The following GRM1 variants were observed in gnomAD, a reference collection of about 807,000 sequenced individuals.
The protein encoded by GRM1 is glutamate metabotropic receptor 1.
Under a neutral mutation model 90.9 loss-of-function variants are expected in GRM1, and 33 were observed. The ratio of observed to expected loss-of-function variants is 0.36; its 90% CI spans 0.28 to 0.49. The LOEUF is 0.49. Ranked by LOEUF, GRM1 falls within the 20% of genes least tolerant of loss-of-function variation. GRM1 has a pLI of 0.99. For missense variants in GRM1, 1,190 were observed against 1,534.3 expected, an observed-to-expected ratio of 0.78 and a Z score of 3.75; for synonymous variants, 700 against 613.2, an observed-to-expected ratio of 1.14 and a Z score of -2.09.
intron 7 of GRM1, among the ~76,000 whole-genome samples, chr6:146,425,057 A>AC (rs2114671225): frequency 6.6e-6 from 1 of 152,332 alleles, no homozygotes; most frequent in South Asian, 2.1e-4. Flanking sequence ...TGCAGTAATA[A>AC]TGAAGTTACA....
chr6:146,138,737 G>A (rs547530296), intron 1 of GRM1, among the ~76,000 whole-genome samples: 2 of 151,424 alleles, frequency 1.3e-5, no homozygotes, highest in African/African-American at 2.4e-5. Flanking sequence ...CTTTTTTTTA[G>A]TATGTCTAAA....
intron 1 of GRM1, among the ~76,000 whole-genome samples, chr6:146,111,560 G>C (rs1775560016): frequency 6.6e-6 from 1 of 152,192 alleles, no homozygotes; most frequent in South Asian, 2.1e-4. Flanking sequence ...CTCTCTTTGA[G>C]GAAGATGATA....
intron 1 of GRM1, among the ~76,000 whole-genome samples, chr6:146,045,225 A>T (rs916756133): frequency 3.3e-5 from 5 of 152,148 alleles, no homozygotes; most frequent in African/African-American, 9.6e-5. Context: ...TATAGAAAAG[A>T]TATTTATCTA....
intron 2 of GRM1, among the ~76,000 whole-genome samples, chr6:146,295,605 C>G (rs1016392683): frequency 6.6e-6 from 1 of 152,068 alleles, no homozygotes; most frequent in Admixed American, 6.6e-5. Context: ...GGTTTTGTAT[C>G]TAGTTTTAGA....
intron 2 of GRM1, among the ~76,000 whole-genome samples, chr6:146,209,237 A>G (rs910183279): frequency 6.6e-6 from 1 of 152,070 alleles, no homozygotes; most frequent in Non-Finnish European, 1.5e-5. Flanking sequence ...TTTTATTTTT[A>G]GAAAATTGAG....
chr6:146,276,460 A>G (rs976252204), intron 2 of GRM1, among the ~76,000 whole-genome samples: 1 of 152,298 alleles, frequency 6.6e-6, no homozygotes, highest in East Asian at 1.9e-4. Flanking sequence ...TAGGAATTCT[A>G]TCCTTCCAGT....
intron 3 of GRM1, among the ~76,000 whole-genome samples, chr6:146,329,880 G>T (rs564312580): frequency 6.6e-6 from 1 of 152,264 alleles, no homozygotes; most frequent in South Asian, 2.1e-4. Context: ...CTGAAAGTGA[G>T]AAACAGAATG....
intron 1 of GRM1, among the ~76,000 whole-genome samples, chr6:146,070,145 A>G (rs1162115757): frequency 6.6e-6 from 1 of 152,162 alleles, no homozygotes; most frequent in African/African-American, 2.4e-5. Context: ...ACACTTCTTT[A>G]TCTTTCCTCC....
At chr6:146,091,605 G>A (rs1405117018) in intron 1 of GRM1, among the ~76,000 whole-genome samples, 2 of 152,032 alleles carry the variant, frequency 1.3e-5, no homozygotes, top group Non-Finnish European at 2.9e-5. Flanking sequence ...AAGGACATGG[G>A]GGAAACTGGC....
At chr6:146,378,090 T>G (rs1249185470) in intron 5 of GRM1, among the ~76,000 whole-genome samples, 2 of 152,184 alleles carry the variant, frequency 1.3e-5, no homozygotes, top group African/African-American at 4.8e-5. Flanking sequence ...AGTGGGAACC[T>G]CCGCCTAGAT....
chr6:146,397,185 A>T (rs1237833377), intron 6 of GRM1, among the ~76,000 whole-genome samples: 1 of 152,158 alleles, frequency 6.6e-6, no homozygotes, highest in African/African-American at 2.4e-5. Context: ...AATTTTTTTT[A>T]AAAAGCACAA....
intron 2 of GRM1, among the ~76,000 whole-genome samples, chr6:146,206,958 C>A (rs930981440): frequency 6.6e-6 from 1 of 152,174 alleles, no homozygotes; most frequent in African/African-American, 2.4e-5. Context: ...CCAGCCCCAT[C>A]CATGTTCCCA....
chr6:146,093,309 C>G (rs995512093), intron 1 of GRM1, among the ~76,000 whole-genome samples: 1 of 152,124 alleles, frequency 6.6e-6, no homozygotes, highest in African/African-American at 2.4e-5. Context: ...TTCTTGTGAT[C>G]TCCTCTGACT....
At chr6:146,162,604 A>G (rs1182030228) in intron 2 of GRM1, among the ~76,000 whole-genome samples, 1 of 152,162 alleles carries the variant, frequency 6.6e-6, no homozygotes, top group Non-Finnish European at 1.5e-5. Flanking sequence ...AGTGTCACTC[A>G]TCACCTCACA....
chr6:146,123,616 A>G (rs1039329627), intron 1 of GRM1, among the ~76,000 whole-genome samples: 1 of 152,224 alleles, frequency 6.6e-6, no homozygotes, highest in Non-Finnish European at 1.5e-5. Flanking sequence ...TCACCATCCA[A>G]TACCCAACTG....
chr6:146,395,560 T>TAATTG (rs1367473974), intron 6 of GRM1, among the ~76,000 whole-genome samples: 1 of 152,152 alleles, frequency 6.6e-6, no homozygotes, highest in Non-Finnish European at 1.5e-5. Context: ...GGCTAATAAT[T>TAATTG]AATTGAATTA....
At chr6:146,303,626 T>G (rs1046171182) in intron 2 of GRM1, among the ~76,000 whole-genome samples, 1 of 151,740 alleles carries the variant, frequency 6.6e-6, no homozygotes, top group African/African-American at 2.4e-5. Context: ...ATGGCAGGAG[T>G]CTAATGTGAC....
chr6:146,118,817 C>A (rs973498131), intron 1 of GRM1, among the ~76,000 whole-genome samples: 1 of 152,216 alleles, frequency 6.6e-6, no homozygotes, highest in African/African-American at 2.4e-5. Context: ...ATATGTGCCA[C>A]ATTTTCTTAA....
At chr6:146,269,147 A>T (rs1782022213) in intron 2 of GRM1, among the ~76,000 whole-genome samples, 1 of 152,222 alleles carries the variant, frequency 6.6e-6, no homozygotes, top group Non-Finnish European at 1.5e-5. Flanking sequence ...CTTCTGAAGC[A>T]AACCAGGTGA....
Sources: gnomAD v4.1 joint callset for allele counts (sites outside exome capture counted in the v4.1 genomes callset) on GRCh38, gnomAD v4.1.1 for gene constraint, MANE v1.5 for transcripts, NCBI Gene and HGNC (gene_info 2026-07-23, HGNC 2026-07-21) for gene names.